Variants in EPS15 observed in about 807,000 individuals in gnomAD.
EPS15 encodes epidermal growth factor receptor pathway substrate 15.
A neutral mutation model predicts 113.8 loss-of-function variants in EPS15; 72 were observed. That is an observed-to-expected ratio of 0.63 (90% CI 0.52 to 0.77). EPS15 has a LOEUF of 0.77. EPS15 is among the 30% of genes least tolerant of loss of function. EPS15 has a pLI of 0.00. For synonymous variants in EPS15, 344 were observed against 363.4 expected, an observed-to-expected ratio of 0.95 and a Z score of 0.61; for missense variants, 1,048 against 1,045.8, an observed-to-expected ratio of 1.00 and a Z score of -0.03.
intron 21 of EPS15, among the ~76,000 whole-genome samples, chr1:51,369,204 C>G (rs1646584453): frequency 6.6e-6 from 1 of 152,194 alleles, no homozygotes; most frequent in Non-Finnish European, 1.5e-5. Context: ...ACACTTTCCT[C>G]ATAAATGACC....
chr1:51,368,499 A>G (rs1376889148), intron 21 of EPS15, among the ~76,000 whole-genome samples: 4 of 152,112 alleles, frequency 2.6e-5, no homozygotes, highest in African/African-American at 9.7e-5. Context: ...TCATTGATAC[A>G]TATCTGCTGA....
chr1:51,502,830 C>A (rs1412681227), intron 1 of EPS15, among the ~76,000 whole-genome samples: 1 of 151,884 alleles, frequency 6.6e-6, no homozygotes, highest in Non-Finnish European at 1.5e-5. Context: ...CATGGTGAAA[C>A]CGCATCTCTA....
intron 12 of EPS15, among the ~76,000 whole-genome samples, chr1:51,431,775 TA>T (rs1350268420): frequency 2.0e-5 from 3 of 152,106 alleles, no homozygotes; most frequent in South Asian, 4.1e-4. Context: ...TGCAAATCCA[TA>T]ATAATTTATT....
In EPS15 at chr1:51,486,442, A is replaced by T. The variant is rs1644124436; in HGVS notation, c.34-5128T>A. ...CTGCATCTCAAAAAAAAAAAAAAAAAAAAAATTAGAGAAGGCCTACAATTT... is the reference window on the plus strand; with the variant it reads ...CTGCATCTCAAAAAAAAAAAAAAAATAAAAATTAGAGAAGGCCTACAATTT... On this transcript the variant is annotated intron_variant, in intron 1 of 24. Coordinates refer to ENST00000371733, the MANE Select transcript of EPS15 (RefSeq NM_001981.3). Among the ~76,000 whole-genome samples the T allele has an allele frequency of 2.0e-5, 3 of 151,808 alleles. No individual in the cohort carries two copies. In the South Asian group the frequency reaches 6.2e-4, roughly 32 times the overall value.
At chr1:51,381,639 T>A (rs561987052) in intron 21 of EPS15, among the ~76,000 whole-genome samples, 1 of 151,754 alleles carries the variant, frequency 6.6e-6, no homozygotes, top group Non-Finnish European at 1.5e-5. Context: ...TAAAACAGAA[T>A]AAAACTAAAA....
intron 1 of EPS15, among the ~76,000 whole-genome samples, chr1:51,502,959 T>C (rs891454035): frequency 6.9e-6 from 1 of 145,336 alleles, no homozygotes. Context: ...TGAGCCAAGA[T>C]CCATGCCACT....
chr1:51,373,379 C>T (rs1373827744), intron 21 of EPS15, among the ~76,000 whole-genome samples: 4 of 152,236 alleles, frequency 2.6e-5, no homozygotes, highest in Non-Finnish European at 2.9e-5. Context: ...ACCTAAACTG[C>T]AGCATCAGCT....
chr1:51,398,654 C>T (rs547780230), intron 20 of EPS15, among the ~76,000 whole-genome samples: 6 of 152,210 alleles, frequency 3.9e-5, no homozygotes, highest in South Asian at 2.1e-4. Context: ...ATAACATAAA[C>T]GATTTTATTT....
intron 1 of EPS15, among the ~76,000 whole-genome samples, chr1:51,484,271 C>CT (rs1405864086): frequency 1.3e-5 from 2 of 151,690 alleles, no homozygotes; most frequent in African/African-American, 2.4e-5. Flanking sequence ...TAAAAAGAAA[C>CT]TATTATTGGG....
At chr1:51,441,387 G>T (rs1489308160) in intron 11 of EPS15, among the ~76,000 whole-genome samples, 2 of 151,824 alleles carry the variant, frequency 1.3e-5, no homozygotes, top group African/African-American at 4.8e-5. Flanking sequence ...AGAGCGAAAA[G>T]ATAAATGCTT....
Position 51,406,103 on chromosome 1 carries a change from T to C in EPS15, c.1479A>G (p.Gln493=), listed in dbSNP as rs879616501. The C allele has an allele frequency of 6.2e-6, 10 of 1,612,680 alleles. No individual in the cohort carries two copies. The highest frequency in any genetic ancestry group is 8.5e-6 in the Non-Finnish European group (10 of 1,179,490). The change falls in exon 16 of 25, where the codon CAA becomes CAG. Residue 493 remains glutamine, a synonymous_variant. Transcript: ENST00000371733. ...AATCTTTCATTTCCATCAGTTTCAT[T>C]TGCATCTGCCAACACAAAGAAGAAA... ...QDSQQEISSM[Q]MKLMEMKDLE... is the part of the protein sequence containing the mutation.
intron 13 of EPS15, among the ~76,000 whole-genome samples, chr1:51,410,158 G>A (rs1649565773): frequency 6.6e-6 from 1 of 152,018 alleles, no homozygotes; most frequent in East Asian, 1.9e-4. Flanking sequence ...GAACCCAGGA[G>A]GTGGAGGTTG....
chr1:51,390,260 A>G (rs1366715445), intron 21 of EPS15, among the ~76,000 whole-genome samples: 1 of 152,150 alleles, frequency 6.6e-6, no homozygotes, highest in Non-Finnish European at 1.5e-5. Context: ...CTGGCTAGCC[A>G]TATGTAGAAA....
At chr1:51,498,330 C>A (rs577925799) in intron 1 of EPS15, among the ~76,000 whole-genome samples, 22 of 152,162 alleles carry the variant, frequency 1.4e-4, no homozygotes, top group African/African-American at 4.6e-4. Context: ...CCAGTTGGTC[C>A]CCAATTTACA....
At chr1:51,485,761 TTTATCA>T (rs1276442736) in intron 1 of EPS15, among the ~76,000 whole-genome samples, 1 of 152,126 alleles carries the variant, frequency 6.6e-6, no homozygotes, top group East Asian at 1.9e-4. Flanking sequence ...ATTTTGAAAT[TTTATCA>T]TTATATTTTG....
intron 1 of EPS15, among the ~76,000 whole-genome samples, chr1:51,508,609 T>C (rs1226938231): frequency 6.6e-6 from 1 of 152,188 alleles, no homozygotes; most frequent in East Asian, 1.9e-4. Flanking sequence ...TTCTTCCCAC[T>C]ACGTAAAACT....
At chr1:51,416,283 C>T (rs1214789958) in intron 13 of EPS15, among the ~76,000 whole-genome samples, 1 of 152,164 alleles carries the variant, frequency 6.6e-6, no homozygotes, top group Non-Finnish European at 1.5e-5. Context: ...TGACAGAAGA[C>T]ATTTGCAGAT....
intron 16 of EPS15, among the ~76,000 whole-genome samples, chr1:51,404,618 C>A (rs1648922157): frequency 6.6e-6 from 1 of 152,202 alleles, no homozygotes; most frequent in African/African-American, 2.4e-5. Context: ...TTCCACATTT[C>A]TAAAAGTTAA....
At chr1:51,430,491 C>T (rs892343594) in intron 12 of EPS15, among the ~76,000 whole-genome samples, 4 of 150,866 alleles carry the variant, frequency 2.7e-5, no homozygotes, top group African/African-American at 9.8e-5. Flanking sequence ...TCACTTGAAC[C>T]TGAAAGATGG....
Sources: allele counts gnomAD v4.1 joint callset (sites outside exome capture counted in the v4.1 genomes callset), GRCh38; gene constraint gnomAD v4.1.1; transcripts MANE v1.5; gene names NCBI Gene and HGNC (gene_info 2026-07-23, HGNC 2026-07-21).